The following TRAPPC9 variants were observed in gnomAD, a reference collection of about 807,000 sequenced individuals.
TRAPPC9 encodes the protein trafficking protein particle complex subunit 9.
Under a neutral mutation model 124.0 loss-of-function variants are expected in TRAPPC9, and 83 were observed. The observed-to-expected ratio is 0.67, with a 90% CI of 0.56 to 0.80. The LOEUF (loss-of-function observed/expected upper bound fraction) is 0.80, where lower values mean the gene tolerates loss of function less well. Among genes scored for constraint, TRAPPC9 ranks in the 30% least tolerant of loss-of-function variants. TRAPPC9 has a pLI of 0.00. For missense variants in TRAPPC9, 1,302 were observed against 1,508.3 expected (o/e 0.86, Z 2.27); for synonymous variants, 638 against 617.5 (o/e 1.03, Z -0.49).
intron 17 of TRAPPC9, among the ~76,000 whole-genome samples, chr8:140,073,159 G>C (rs571503059): frequency 6.6e-6 from 1 of 152,264 alleles, no homozygotes; most frequent in Middle Eastern, 3.4e-3. Context: ...TTAAACCCAC[G>C]CTTAGTATAT....
In TRAPPC9 at chr8:140,265,092, C is replaced by T. The variant is rs540050425; in HGVS notation, c.2278+10566G>A. Among the ~76,000 whole-genome samples the T allele has an allele frequency of 1.8e-4, 27 of 152,274 alleles. 1 individual carries two copies. In the South Asian group the frequency reaches 4.6e-3, roughly 26 times the overall value. On this transcript the variant is annotated intron_variant, in intron 15 of 22. Transcript: ENST00000438773. The stretch of plus-strand genomic sequence containing the variant: ...AGGCAACGAGCAACAGCAACACCCA[C>T]GAAAGGGAGAGGAAAACCACACAGA...
At chr8:139,912,483 C>T (rs1226692220) in intron 19 of TRAPPC9, among the ~76,000 whole-genome samples, 1 of 152,172 alleles carries the variant, frequency 6.6e-6, no homozygotes, top group African/African-American at 2.4e-5. Context: ...AGTGTTTCTG[C>T]CTGCACTTAC....
chr8:139,885,448 G>C (rs1829941711), intron 21 of TRAPPC9, among the ~76,000 whole-genome samples: 1 of 152,162 alleles, frequency 6.6e-6, no homozygotes, highest in Admixed American at 6.5e-5. Flanking sequence ...GTGAACGCAA[G>C]GGGTTCACCA....
chr8:139,815,721 A>G (rs1177695919), intron 21 of TRAPPC9, among the ~76,000 whole-genome samples: 1 of 152,206 alleles, frequency 6.6e-6, no homozygotes, highest in Non-Finnish European at 1.5e-5. Context: ...GTCAATCCAC[A>G]GATATTTCCT....
At chr8:140,005,336 A>C (rs1838678315) in intron 18 of TRAPPC9, among the ~76,000 whole-genome samples, 2 of 152,220 alleles carry the variant, frequency 1.3e-5, no homozygotes, top group African/African-American at 2.4e-5. Context: ...CAGAGTAGGA[A>C]GGTGCTGAAA....
chr8:140,336,114 A>G (rs952182741), intron 9 of TRAPPC9, among the ~76,000 whole-genome samples: 2 of 152,054 alleles, frequency 1.3e-5, no homozygotes, highest in Admixed American at 1.3e-4. Flanking sequence ...TGTATAACTA[A>G]CTTCATAATT....
At chr8:139,794,742 A>G (rs1822927990) in intron 21 of TRAPPC9, among the ~76,000 whole-genome samples, 1 of 152,200 alleles carries the variant, frequency 6.6e-6, no homozygotes, top group Admixed American at 6.5e-5. Flanking sequence ...GGTCCCTGCC[A>G]TCCTCAGAGG....
chr8:140,308,400 G>C (rs1462759026), intron 10 of TRAPPC9, among the ~76,000 whole-genome samples: 1 of 151,376 alleles, frequency 6.6e-6, no homozygotes, highest in Non-Finnish European at 1.5e-5. Flanking sequence ...GTCGTACTGA[G>C]GTTCCGTGGG....
intron 13 of TRAPPC9, among the ~76,000 whole-genome samples, chr8:140,285,285 C>T (rs2065451475): frequency 6.6e-6 from 1 of 152,180 alleles, no homozygotes; most frequent in South Asian, 2.1e-4. Flanking sequence ...CTTCACTCCT[C>T]GTTACTCCTC....
chr8:140,446,148 G>A (rs1001744124), intron 2 of TRAPPC9, among the ~76,000 whole-genome samples: 4 of 152,090 alleles, frequency 2.6e-5, no homozygotes, highest in South Asian at 2.1e-4. Flanking sequence ...CAAAAAACTA[G>A]CCTGGTGTGG....
chr8:139,816,093 A>G (rs1258390094), intron 21 of TRAPPC9, among the ~76,000 whole-genome samples: 1 of 152,208 alleles, frequency 6.6e-6, no homozygotes, highest in Non-Finnish European at 1.5e-5. Context: ...TATGGTTGGG[A>G]AGCACAGAGT....
At chr8:140,317,382 T>C (rs2066468769) in intron 9 of TRAPPC9, among the ~76,000 whole-genome samples, 1 of 152,228 alleles carries the variant, frequency 6.6e-6, no homozygotes, top group Admixed American at 6.5e-5. Context: ...GGTTCCTGTG[T>C]CCTTTGGATA....
At chr8:140,435,330 A>C in intron 3 of TRAPPC9, 90 bp from the exon 4 acceptor site, 9 of 1,485,476 alleles carry the variant, frequency 6.1e-6, no homozygotes, top group Non-Finnish European at 8.3e-6. Flanking sequence ...TCATTAGCTC[A>C]AACTGCAGTA....
chr8:140,283,237 C>CA (rs1222611737), intron 14 of TRAPPC9, among the ~76,000 whole-genome samples: 1 of 141,996 alleles, frequency 7.0e-6, no homozygotes, highest in Non-Finnish European at 1.5e-5. Flanking sequence ...GACCTTGTCT[C>CA]AAAAAATTAA....
chr8:140,351,947 TTGTGCA>T (rs1413971813), intron 9 of TRAPPC9, among the ~76,000 whole-genome samples: 1 of 152,194 alleles, frequency 6.6e-6, no homozygotes, highest in Non-Finnish European at 1.5e-5. Flanking sequence ...TATCACACAG[TTGTGCA>T]ACAACCACCA....
In TRAPPC9 at chr8:139,742,659, C is replaced by A. The variant is rs941608390; in HGVS notation, c.3056-10457G>T. 6.6e-6 allele frequency among the ~76,000 whole-genome samples: 1 copy of A among 152,092 alleles called. No individual in the cohort carries two copies. The highest frequency in any genetic ancestry group is 2.4e-5 in the African/African-American group (1 of 41,406). ...GGAGTTAGGGAGCCAGGAGATGGGG[C>A]CAGATGGAGACCAGACCTTCAGGAC... On this transcript the variant is annotated intron_variant, in intron 21 of 22. Transcript: ENST00000438773. This position sits in a 1 kb window ranked among gnomAD's most constrained non-coding sequence, Gnocchi z 4.7.
chr8:140,174,201 C>A (rs959741666), intron 17 of TRAPPC9, among the ~76,000 whole-genome samples: 1 of 151,842 alleles, frequency 6.6e-6, no homozygotes, highest in Non-Finnish European at 1.5e-5. Context: ...AGGGAAACAA[C>A]AACACACTGA....
rs773134795 is a variant in TRAPPC9, at chr8:140,451,303, C to A, written c.71G>T (p.Gly24Val). Residue 24 changes from glycine (G) to valine (V), a missense_variant, in exon 2 of 23, where the codon GGC becomes GTC. This residue lies in a region of TRAPPC9 where 657 missense variants were observed against 811.2 expected (regional missense o/e 0.81). Transcript: ENST00000438773. Reference sequence around the variant, plus strand: ...GAAGAAGTTCTCCTCGGAGACGATGCCCACAGGCTGGACCACCACGAGCAG... The same window carrying A: ...GAAGAAGTTCTCCTCGGAGACGATGACCACAGGCTGGACCACCACGAGCAG... ...QTLLVVVQPV[G>V]IVSEENFFRI... 2.5e-6 allele frequency: 4 copies of A among 1,608,878 alleles called. No homozygotes were observed. Among genetic ancestry groups the A allele is most frequent in the South Asian group, 1.1e-5 (1 of 91,084 alleles).
chr8:140,152,309 T>C (rs888746467), intron 17 of TRAPPC9, among the ~76,000 whole-genome samples: 5 of 148,972 alleles, frequency 3.4e-5, no homozygotes, highest in Admixed American at 1.3e-4. Context: ...GAGCTTTTGA[T>C]AGAGAATGCA....
Sources: allele counts gnomAD v4.1 joint callset (sites outside exome capture counted in the v4.1 genomes callset), GRCh38; gene constraint gnomAD v4.1.1; regional missense constraint gnomAD v4.1.1; non-coding constraint Gnocchi (gnomAD v3.1); transcripts MANE v1.5; gene names NCBI Gene and HGNC (gene_info 2026-07-23, HGNC 2026-07-21).